ITGB1: variants seen among roughly 807,000 people sequenced by gnomAD.
ITGB1 encodes integrin subunit beta 1, also known as integrin beta-1.
In ITGB1, 24 loss-of-function variants were observed where a neutral mutation model predicts 86.5. That is an observed-to-expected ratio of 0.28 (90% CI 0.20 to 0.39). The LOEUF is 0.39. Among genes scored for constraint, ITGB1 ranks in the 10% least tolerant of loss-of-function variants. ITGB1 has a pLI of 1.00. For missense variants in ITGB1, 556 were observed against 946.9 expected (o/e 0.59, Z 5.42); for synonymous variants, 323 against 316.8 (o/e 1.02, Z -0.21).
intron 2 of ITGB1, among the ~76,000 whole-genome samples, chr10:32,934,150 A>G (rs1426202956): frequency 6.6e-6 from 1 of 152,120 alleles, no homozygotes; most frequent in African/African-American, 2.4e-5. Flanking sequence ...CTCTATACAC[A>G]CTAATTTCTA....
chr10:32,916,348 A>G (rs889689816), intron 11 of ITGB1, among the ~76,000 whole-genome samples: 3 of 152,170 alleles, frequency 2.0e-5, no homozygotes, highest in Non-Finnish European at 4.4e-5. Flanking sequence ...ACATAACAAT[A>G]TTCCCACAAA....
chr10:32,913,398 C>T (rs571132211), intron 11 of ITGB1, among the ~76,000 whole-genome samples: 2 of 152,208 alleles, frequency 1.3e-5, no homozygotes, highest in South Asian at 2.1e-4. Context: ...TCAAACCCAT[C>T]GCAAAGAAGC....
intron 2 of ITGB1, among the ~76,000 whole-genome samples, chr10:32,934,689 C>G (rs1173993494): frequency 6.6e-6 from 1 of 152,064 alleles, no homozygotes; most frequent in East Asian, 1.9e-4. Flanking sequence ...CTAACCATTT[C>G]TTTTATAATT....
chr10:32,942,571 C>T (rs966426819), intron 1 of ITGB1, among the ~76,000 whole-genome samples: 4 of 152,202 alleles, frequency 2.6e-5, no homozygotes, highest in Admixed American at 2.6e-4. Flanking sequence ...ATGCTCAAAA[C>T]TCTTTGCTGT....
intron 8 of ITGB1, 63 bp from the exon 9 acceptor site, chr10:32,922,409 C>A (rs956053356): frequency 3.5e-6 from 4 of 1,135,992 alleles, no homozygotes; most frequent in Admixed American, 1.9e-5. Flanking sequence ...TTAGGATCCA[C>A]TGAGCAACTT....
intron 1 of ITGB1, among the ~76,000 whole-genome samples, chr10:32,945,770 C>T (rs2095030088): frequency 6.6e-6 from 1 of 152,112 alleles, no homozygotes; most frequent in Non-Finnish European, 1.5e-5. Context: ...AAAAAAGCAA[C>T]TGGATTCACA....
chr10:32,935,359 A>G (rs2137239523), intron 2 of ITGB1, 133 bp downstream of exon 2: 1 of 608,692 alleles, frequency 1.6e-6, no homozygotes, highest in South Asian at 2.1e-5. Flanking sequence ...TTCTCTGAGT[A>G]AGAGGAACAA....
intron 11 of ITGB1, 24 bp downstream of exon 11, chr10:32,919,861 A>G (rs201867204): frequency 1.9e-6 from 3 of 1,604,988 alleles, no homozygotes; most frequent in South Asian, 2.2e-5. Flanking sequence ...TAGCTCTGTC[A>G]CTGTCTGACA....
chr10:32,951,675 C>T (rs928177300), intron 1 of ITGB1: 1 of 152,184 alleles, frequency 6.6e-6, no homozygotes, highest in Non-Finnish European at 1.5e-5. Context: ...ACATTATTAC[C>T]TAGCAATTGA....
intron 11 of ITGB1, 89 bp downstream of exon 11, chr10:32,919,796 G>T: frequency 8.9e-7 from 1 of 1,126,288 alleles, no homozygotes; most frequent in Non-Finnish European, 1.3e-6. Context: ...TCCAAATAGA[G>T]AGATATTCTC....
rs1241257597 is a variant in ITGB1, at chr10:32,925,880, T to C, written c.777A>G (p.Ala259=). The C allele has an allele frequency of 6.2e-7, 1 of 1,602,992 alleles. No individual in the cohort carries two copies. Among genetic ancestry groups the C allele is most frequent in the Non-Finnish European group, 8.5e-7 (1 of 1,169,952 alleles). Residue 259 remains alanine, a synonymous_variant, in exon 6 of 16, where the codon GCA becomes GCG. Coordinates refer to ENST00000302278, the MANE Select transcript of ITGB1 (RefSeq NM_002211.4). ...EGGFDAIMQV[A]VCGSLIGWRN... Reference sequence around the variant, plus strand: ...AAATGAATGCGCTTACTCCACAAACTGCAACTTGCATGATGGCATCGAAAC... The same window carrying C: ...AAATGAATGCGCTTACTCCACAAACCGCAACTTGCATGATGGCATCGAAAC...
At chr10:32,907,454 T>C (rs1373300616) in intron 15 of ITGB1, among the ~76,000 whole-genome samples, 1 of 152,210 alleles carries the variant, frequency 6.6e-6, no homozygotes, top group African/African-American at 2.4e-5. Context: ...ACATAACCTT[T>C]CGGTCACTTA....
rs2094956869 is a variant in ITGB1, at chr10:32,923,756, AT to A, written c.787-17del. ...CAATCAGTGACTTGAAAAGAAAAGGATTTCAATTTTAAAACACTATTCACAG... is the reference window on the plus strand; with the variant it reads ...CAATCAGTGACTTGAAAAGAAAAGGATTCAATTTTAAAACACTATTCACAG... On this transcript the variant is annotated splice_polypyrimidine_tract_variant and intron_variant, in intron 6 of 15. Transcript: ENST00000302278. 6.2e-7 allele frequency: 1 copy of A among 1,602,868 alleles called. No individual in the cohort carries two copies. Among genetic ancestry groups the A allele is most frequent in the East Asian group, 2.2e-5 (1 of 44,542 alleles).
chr10:32,936,579 A>G (rs923403687), intron 1 of ITGB1, among the ~76,000 whole-genome samples: 2 of 152,178 alleles, frequency 1.3e-5, no homozygotes, highest in Non-Finnish European at 2.9e-5. Context: ...CTTGTCTTCT[A>G]GAACCTCTAA....
chr10:32,957,540 C>CTTCT (rs2095054952), intron 1 of ITGB1, among the ~76,000 whole-genome samples: 2 of 152,108 alleles, frequency 1.3e-5, no homozygotes, highest in African/African-American at 2.4e-5. Flanking sequence ...ACTAAGCCAA[C>CTTCT]TTCTACCCGG....
intron 2 of ITGB1, among the ~76,000 whole-genome samples, chr10:32,933,956 A>G (rs2094992433): frequency 6.6e-6 from 1 of 152,198 alleles, no homozygotes. Flanking sequence ...CAGTTCACAC[A>G]TGCTTGCTCA....
At chr10:32,917,376 A>C (rs1330133052) in intron 11 of ITGB1, among the ~76,000 whole-genome samples, 1 of 152,218 alleles carries the variant, frequency 6.6e-6, no homozygotes, top group Non-Finnish European at 1.5e-5. Flanking sequence ...TCTGCACAGC[A>C]AAAGAAACTG....
rs73251136 is a variant in ITGB1, at chr10:32,926,733, T to C, written c.548-624A>G. 5.6e-3 allele frequency among the ~76,000 whole-genome samples: 845 copies of C among 150,784 alleles called. 17 individuals carry two copies. The highest frequency in any genetic ancestry group is 0.02 in the African/African-American group (817 of 40,512). ...AATTACCCAGTGTCAGATATGTCTT[T>C]ATAGCAACGTAAGAATAGACTCCTA... On this transcript the variant is annotated intron_variant, in intron 5 of 15. Transcript: ENST00000302278.
chr10:32,936,655 T>C (rs1241246230), intron 1 of ITGB1, among the ~76,000 whole-genome samples: 2 of 152,150 alleles, frequency 1.3e-5, no homozygotes, highest in Non-Finnish European at 2.9e-5. Context: ...ATTAGGTACA[T>C]ATATAACTAT....
Sources: allele counts gnomAD v4.1 joint callset (sites outside exome capture counted in the v4.1 genomes callset), GRCh38; gene constraint gnomAD v4.1.1; transcripts MANE v1.5; gene names NCBI Gene and HGNC (gene_info 2026-07-23, HGNC 2026-07-21).